PKD1L1: variants seen among roughly 807,000 people sequenced by gnomAD.
PKD1L1 encodes polycystin 1 like 1, transient receptor potential channel interacting, also known as polycystin-1-like protein 1.
In PKD1L1, 236 loss-of-function variants were observed where a neutral mutation model predicts 323.4. The observed-to-expected ratio is 0.73, with a 90% CI of 0.66 to 0.81. The LOEUF is 0.81. Ranked by LOEUF, PKD1L1 falls within the 40% of genes least tolerant of loss-of-function variation. The pLI is 0.00. For missense variants in PKD1L1, 3,320 were observed against 3,508.0 expected (o/e 0.95, Z 1.35); for synonymous variants, 1,344 against 1,335.0 (o/e 1.01, Z -0.15).
chr7:47,914,504 G>A (rs887343156), intron 8 of PKD1L1, among the ~76,000 whole-genome samples: 3 of 152,174 alleles, frequency 2.0e-5, no homozygotes, highest in Non-Finnish European at 2.9e-5. Context: ...AGGCAAGGCA[G>A]GGCAGAAGAC....
intron 7 of PKD1L1, among the ~76,000 whole-genome samples, chr7:47,928,034 C>T (rs1022244724): frequency 2.6e-5 from 4 of 152,094 alleles, no homozygotes. Flanking sequence ...CAGGGAAGCC[C>T]GTCTAGATAT....
chr7:47,845,204 A>G, intron 32 of PKD1L1, 126 bp from the exon 33 acceptor site: 1 of 717,792 alleles, frequency 1.4e-6, no homozygotes, highest in East Asian at 2.9e-5. Context: ...CTTTATGACT[A>G]AGACCCAGTT....
chr7:47,858,611 C>T lies in PKD1L1; in HGVS notation c.4362+62G>A, dbSNP rs567973690. ...TGGTTTTGAGAAGCAATTACAAATACAGGTTAACATCCTGGGATATGGAAA... is the reference window on the plus strand; with the variant it reads ...TGGTTTTGAGAAGCAATTACAAATATAGGTTAACATCCTGGGATATGGAAA... On this transcript the variant is annotated intron_variant, in intron 27 of 56. Coordinates refer to ENST00000289672, the MANE Select transcript of PKD1L1 (RefSeq NM_138295.5). 4.6e-5 allele frequency: 67 copies of T among 1,461,552 alleles called. No individual in the cohort carries two copies. In the African/African-American group the frequency reaches 9.2e-4, roughly 20 times the overall value. The allele number at this position is 1,461,552 out of a possible 1,614,324, so 90.5% of individuals were successfully genotyped here.
chr7:47,851,903 T>C (rs2128740796), intron 31 of PKD1L1, among the ~76,000 whole-genome samples: 1 of 152,250 alleles, frequency 6.6e-6, no homozygotes, highest in South Asian at 2.1e-4. Context: ...AGCAACAAAA[T>C]GCATTCATGA....
intron 24 of PKD1L1, among the ~76,000 whole-genome samples, chr7:47,873,148 C>T (rs62447061): frequency 0.33 from 49,336 of 151,760 alleles, 8,581 homozygotes; most frequent in African/African-American, 0.43. Flanking sequence ...TGTGGTTGTC[C>T]GGGGCCGGTG....
chr7:47,801,343 G>T (rs2128726191), intron 53 of PKD1L1, among the ~76,000 whole-genome samples: 1 of 152,304 alleles, frequency 6.6e-6, no homozygotes, highest in South Asian at 2.1e-4. Flanking sequence ...ATGTAGATTT[G>T]GTTCAGGTTA....
At chr7:47,792,877 G>T in intron 55 of PKD1L1, 80 bp from the exon 56 acceptor site, 2 of 1,334,992 alleles carry the variant, frequency 1.5e-6, no homozygotes, top group East Asian at 2.4e-5. Flanking sequence ...AAGCATTTAG[G>T]GGTATCATCT....
At chr7:47,889,613 G>T (rs1443655922) in intron 16 of PKD1L1, among the ~76,000 whole-genome samples, 2 of 152,114 alleles carry the variant, frequency 1.3e-5, no homozygotes, top group African/African-American at 4.8e-5. Context: ...CTTCAAAGCA[G>T]TCTTTCTGAT....
chr7:47,885,876 T>C lies in PKD1L1; in HGVS notation c.3015A>G (p.Pro1005=), dbSNP rs1786672025. ...VTLGQPATSA[P]RGTPTEPMTG... ...TCATGGGCTCTGTGGGGGTTCCCCT[T>C]GGAGCTGAAGTGGCAGGTTGGCCAA... is the stretch of plus-strand genomic sequence containing the variant. The change falls in exon 18 of 57, where the codon CCA becomes CCG. Residue 1005 remains proline, a synonymous_variant. Transcript: ENST00000289672. The C allele has an allele frequency of 2.5e-6, 4 of 1,614,170 alleles. No individual in the cohort carries two copies. The South Asian group carries it at 4.4e-5, about 18-fold the overall frequency.
chr7:47,883,456 C>T (rs1288130559), intron 19 of PKD1L1, among the ~76,000 whole-genome samples: 8 of 152,166 alleles, frequency 5.3e-5, no homozygotes, highest in East Asian at 1.9e-4. Context: ...CTTTCTTTGC[C>T]GTGGAAAACC....
rs969620151 is a variant in PKD1L1 at position 47,915,472 on chromosome 7, G to A, written c.1188C>T (p.Pro396=). 2 of 1,137,702 alleles carry A rather than the reference G, an allele frequency of 1.8e-6. No individual in the cohort carries two copies. Among genetic ancestry groups the A allele is most frequent in the Admixed American group, 1.7e-5 (1 of 59,412 alleles). 70.5% of individuals were successfully genotyped at this position (1,137,702 alleles called of 1,614,324 possible). A position where few individuals can be genotyped will look rare whatever the true frequency, so the allele number is the denominator to read the frequency against. Residue 396 remains proline (P), a synonymous_variant, in exon 8 of 57, where the codon CCC becomes CCT. Coordinates refer to ENST00000289672, the MANE Select transcript of PKD1L1 (RefSeq NM_138295.5). ...SENSCLEDSD[P]SNLGYELISA... ...AAATAAGCTCATATCCAAGGTTACT[G>A]GGGTCTGAGTCTTCCAGGCAGCTGT...
At chr7:47,843,207 T>A in intron 33 of PKD1L1, 38 bp from the exon 34 acceptor site, 1 of 1,512,478 alleles carries the variant, frequency 6.6e-7, no homozygotes, top group Non-Finnish European at 9.1e-7. Context: ...AAATTGCTCA[T>A]GAAAATAGAC....
rs201816986 is a variant in PKD1L1 at position 47,940,269 on chromosome 7, C to T, written c.209G>A (p.Cys70Tyr). 31 of 1,613,908 alleles carry T rather than the reference C, an allele frequency of 1.9e-5. No homozygotes were observed. In the African/African-American group the frequency reaches 3.2e-4, roughly 17 times the overall value. ...CTTTCCATTCAGAGCACACCAAGGA[C>T]AGCCACACTTCCCATCACTCATAAG... Reference protein sequence around the residue: ...VLLMSDGKCGCPWCALNGKAE... With the variant: ...VLLMSDGKCGYPWCALNGKAE... The change falls in exon 3 of 57, where the codon TGT becomes TAT. Residue 70 changes from cysteine to tyrosine, a missense_variant. Coordinates refer to ENST00000289672, the MANE Select transcript of PKD1L1 (RefSeq NM_138295.5).
At chr7:47,960,293 C>G in the PKD1L1 span, among the ~76,000 whole-genome samples, 1 of 147,322 alleles carries the variant, frequency 6.8e-6, no homozygotes, top group South Asian at 2.2e-4. Context: ...TGTTTATCTG[C>G]TGACCCTCCC....
At chr7:47,872,252 C>T (rs1443306730) in intron 24 of PKD1L1, among the ~76,000 whole-genome samples, 3 of 152,150 alleles carry the variant, frequency 2.0e-5, no homozygotes, top group African/African-American at 7.2e-5. Flanking sequence ...AAGCCATTGT[C>T]CCATGCCTGT....
rs143835498 is a variant in PKD1L1, at chr7:47,877,627, C to T, written c.3525G>A (p.Ser1175=). The change falls in exon 22 of 57, where the codon TCG becomes TCA. Residue 1175 remains serine (S), a synonymous_variant. Coordinates refer to ENST00000289672, the MANE Select transcript of PKD1L1 (RefSeq NM_138295.5). ...ETYVLQVSVA[S]KHGLLGKAQL... The stretch of plus-strand genomic sequence containing the variant: ...GAGCTTTACCCAGTAAGCCATGCTT[C>T]GAAGCTAAAGAGAAAGATGAAGCAG... 1.2e-5 allele frequency: 20 copies of T among 1,613,320 alleles called. No individual in the cohort carries two copies. Among genetic ancestry groups the T allele is most frequent in the South Asian group, 5.5e-5 (5 of 90,990 alleles).
At chr7:47,877,356 T>C in intron 22 of PKD1L1, 133 bp downstream of exon 22, 1 of 1,318,754 alleles carries the variant, frequency 7.6e-7, no homozygotes, top group East Asian at 2.3e-5. Context: ...CTTTCCAACA[T>C]TCAACGGCAG....
chr7:47,812,252 T>C (rs1290838656), intron 49 of PKD1L1, among the ~76,000 whole-genome samples: 1 of 152,072 alleles, frequency 6.6e-6, no homozygotes, highest in Non-Finnish European at 1.5e-5. Flanking sequence ...TCCTCTCTCC[T>C]TGCCCCACCC....
intron 22 of PKD1L1, 42 bp downstream of exon 22, chr7:47,877,446 CT>C (rs1786432391): frequency 6.2e-7 from 1 of 1,605,850 alleles, no homozygotes; most frequent in South Asian, 1.1e-5. Flanking sequence ...CCAGATGCCA[CT>C]GTCGGGGGTC....
Sources: allele counts gnomAD v4.1 joint callset (sites outside exome capture counted in the v4.1 genomes callset), GRCh38; gene constraint gnomAD v4.1.1; transcripts MANE v1.5; gene names NCBI Gene and HGNC (gene_info 2026-07-23, HGNC 2026-07-21).